The following SIK3 variants were observed in gnomAD, a reference collection of about 807,000 sequenced individuals.
The protein encoded by SIK3 is SIK family kinase 3.
A neutral mutation model predicts 144.2 loss-of-function variants in SIK3; 28 were observed. That is an observed-to-expected ratio of 0.19 (90% confidence interval 0.14 to 0.27). The LOEUF (loss-of-function observed/expected upper bound fraction) is 0.27, where lower values mean the gene tolerates loss of function less well. Ranked by LOEUF, SIK3 falls within the 10% of genes least tolerant of loss-of-function variation. SIK3 has a pLI of 1.00. For missense variants in SIK3, 1,319 were observed against 1,776.0 expected, an observed-to-expected ratio of 0.74 and a Z score of 4.62; for synonymous variants, 686 against 676.3, an observed-to-expected ratio of 1.01 and a Z score of -0.22.
intron 1 of SIK3, among the ~76,000 whole-genome samples, chr11:116,988,819 A>G (rs1421586446): frequency 6.6e-6 from 1 of 150,606 alleles, no homozygotes; most frequent in African/African-American, 2.4e-5. Flanking sequence ...TATATATTAC[A>G]TATATATGTA....
At chr11:116,882,859 C>T (rs1191312964) in intron 6 of SIK3, among the ~76,000 whole-genome samples, 1 of 152,106 alleles carries the variant, frequency 6.6e-6, no homozygotes, top group Non-Finnish European at 1.5e-5. Context: ...TGGCACAATT[C>T]TCACTTCAAA....
chr11:116,884,158 T>C (rs1944690034), intron 6 of SIK3, among the ~76,000 whole-genome samples: 1 of 152,178 alleles, frequency 6.6e-6, no homozygotes, highest in East Asian at 1.9e-4. Flanking sequence ...ACTGCTATAA[T>C]AGAAATAAAC....
intron 1 of SIK3, among the ~76,000 whole-genome samples, chr11:117,097,756 C>T (rs1955544080): frequency 6.6e-6 from 1 of 152,118 alleles, no homozygotes; most frequent in Non-Finnish European, 1.5e-5. Flanking sequence ...ATTTCATATG[C>T]CCCTGCCCTC....
chr11:117,067,978 T>C (rs928622914), intron 1 of SIK3, among the ~76,000 whole-genome samples: 3 of 152,072 alleles, frequency 2.0e-5, no homozygotes, highest in Admixed American at 2.0e-4. Flanking sequence ...AACAAGACCC[T>C]GTCTCAAAAA....
At chr11:117,046,920 A>G (rs1952991706) in intron 1 of SIK3, among the ~76,000 whole-genome samples, 1 of 152,108 alleles carries the variant, frequency 6.6e-6, no homozygotes, top group Non-Finnish European at 1.5e-5. Context: ...TGTATCACTA[A>G]TTCCAATAAA....
chr11:117,002,403 CT>C (rs201547217), intron 1 of SIK3, among the ~76,000 whole-genome samples: 8,767 of 152,190 alleles, frequency 0.058, 537 homozygotes, highest in African/African-American at 0.15. Context: ...ATTGGACACC[CT>C]TAAGGGACAG....
intron 1 of SIK3, among the ~76,000 whole-genome samples, chr11:116,982,943 CAAAAA>C (rs35698580): frequency 3.7e-4 from 26 of 69,854 alleles, no homozygotes; most frequent in Admixed American, 1.2e-3. Context: ...GACTCCGTCT[CAAAAA>C]AAAAAAAAAA....
At chr11:116,892,513 T>C (rs1447279997) in intron 6 of SIK3, among the ~76,000 whole-genome samples, 2 of 152,126 alleles carry the variant, frequency 1.3e-5, no homozygotes, top group African/African-American at 4.8e-5. Flanking sequence ...AAAACAACAA[T>C]GAAATATCAC....
Position 116,858,180 on chromosome 11 carries a change from A to G in SIK3, c.3285T>C (p.Tyr1095=), listed in dbSNP as rs754765058. The G allele has an allele frequency of 1.2e-5, 19 of 1,614,022 alleles. No homozygotes were observed. In the South Asian group the frequency reaches 2.1e-4, roughly 18 times the overall value. Residue 1095 remains tyrosine, a synonymous_variant, in exon 21 of 25, where the codon TAT becomes TAC. Coordinates refer to ENST00000445177, the MANE Select transcript of SIK3 (RefSeq NM_001366686.3). This position sits in a 1 kb window ranked among gnomAD's most constrained non-coding sequence, Gnocchi z 5.4. The part of the protein sequence containing the change: ...QSMTERQALS[Y]QNADSYHHHT... The stretch of plus-strand genomic sequence containing the variant: ...GATGGTGATAAGAGTCAGCATTTTG[A>G]TAAGATAAAGCCTGGCGCTCTGTCA...
At chr11:116,921,706 C>T (rs986310003) in intron 4 of SIK3, among the ~76,000 whole-genome samples, 1 of 152,168 alleles carries the variant, frequency 6.6e-6, no homozygotes, top group Non-Finnish European at 1.5e-5. Flanking sequence ...AAGGCTTCTT[C>T]TGTATTACTA....
intron 1 of SIK3, among the ~76,000 whole-genome samples, chr11:117,014,841 A>T (rs1591538335): frequency 6.6e-6 from 1 of 152,198 alleles, no homozygotes; most frequent in East Asian, 1.9e-4. Flanking sequence ...AGGCAGGTGA[A>T]TGGCTTGAGC....
chr11:116,904,764 G>C lies in SIK3; in HGVS notation c.617-7447C>G, dbSNP rs981672091. 1.2e-4 allele frequency: 19 copies of C among 153,290 alleles called. No individual in the cohort carries two copies. In the South Asian group the frequency reaches 2.9e-3, roughly 23 times the overall value. 9.5% of individuals were successfully genotyped at this position (153,290 alleles called of 1,614,324 possible). On this transcript the variant is annotated intron_variant, in intron 4 of 24. Transcript: ENST00000445177. ...ATTTTAAAACATAGAATAAAATAGA[G>C]ACAGGGTCTTGCTGTGTTGCCCAGG...
At chr11:116,975,574 T>C (rs865779834) in intron 1 of SIK3, among the ~76,000 whole-genome samples, 1 of 152,256 alleles carries the variant, frequency 6.6e-6, no homozygotes, top group South Asian at 2.1e-4. Flanking sequence ...TAATATTCCA[T>C]TGTATGGATA....
intron 3 of SIK3, among the ~76,000 whole-genome samples, chr11:116,948,196 C>G (rs537435501): frequency 1.3e-5 from 2 of 152,132 alleles, no homozygotes; most frequent in East Asian, 1.9e-4. Flanking sequence ...CCTCAGCCCC[C>G]CAAAGTGCTA....
intron 11 of SIK3, among the ~76,000 whole-genome samples, chr11:116,874,946 G>A (rs1944169383): frequency 6.6e-6 from 1 of 152,120 alleles, no homozygotes; most frequent in South Asian, 2.1e-4. Flanking sequence ...AAACACTTTG[G>A]GAAACTGTTG....
At chr11:116,937,735 T>C (rs145451963) in intron 3 of SIK3, among the ~76,000 whole-genome samples, 12 of 152,300 alleles carry the variant, frequency 7.9e-5, no homozygotes, top group Non-Finnish European at 5.9e-5. Context: ...GAAGTAAAAA[T>C]GCTGAAATCT....
At chr11:117,040,388 TTAA>T (rs1192197544) in intron 1 of SIK3, among the ~76,000 whole-genome samples, 1 of 152,218 alleles carries the variant, frequency 6.6e-6, no homozygotes, top group Non-Finnish European at 1.5e-5. Context: ...TATTACTCTG[TTAA>T]TAATGTTACT....
chr11:116,858,184 G>A lies in SIK3; in HGVS notation c.3281C>T (p.Ser1094Phe). 3.7e-6 allele frequency: 6 copies of A among 1,614,158 alleles called. No individual in the cohort carries two copies. Among genetic ancestry groups the A allele is most frequent in the Non-Finnish European group, 5.1e-6 (6 of 1,180,030 alleles). The change falls in exon 21 of 25, where the codon TCT (serine) becomes TTT (phenylalanine). Residue 1094 changes from serine (S) to phenylalanine (F), a missense_variant. Around this residue, in one of 8 missense-constraint regions of SIK3, gnomAD observed 646 missense variants for 763.7 expected, o/e 0.85. Coordinates refer to ENST00000445177, the MANE Select transcript of SIK3 (RefSeq NM_001366686.3). This position sits in a 1 kb window ranked among gnomAD's most constrained non-coding sequence, Gnocchi z 5.4. ...GTGATAAGAGTCAGCATTTTGATAA[G>A]ATAAAGCCTGGCGCTCTGTCATGCT... is the stretch of plus-strand genomic sequence containing the variant. ...GQSMTERQAL[S>F]YQNADSYHHH...
rs1456580331 is a variant in SIK3 at position 116,896,382 on chromosome 11, T to A, written c.742-6A>T. 8.1e-6 allele frequency: 13 copies of A among 1,612,788 alleles called. No homozygotes were observed. Among genetic ancestry groups the A allele is most frequent in the African/African-American group, 1.3e-5 (1 of 74,902 alleles). ...TAGAGGACAACTCCAAGGCTCTGCA[T>A]CCCAAACAGAGAGGATGTACAATTA... On this transcript the variant is annotated splice_region_variant and splice_polypyrimidine_tract_variant and intron_variant, in intron 5 of 24. Transcript: ENST00000445177.
Sources: allele counts gnomAD v4.1 joint callset (sites outside exome capture counted in the v4.1 genomes callset), GRCh38; gene constraint gnomAD v4.1.1; regional missense constraint gnomAD v4.1.1; non-coding constraint Gnocchi (gnomAD v3.1); transcripts MANE v1.5; gene names NCBI Gene and HGNC (gene_info 2026-07-23, HGNC 2026-07-21).